The following LOC128092253 variants were observed in gnomAD, a reference collection of about 807,000 sequenced individuals.
chr6:133,978,562 C>T, the LOC128092253 span, among the ~76,000 whole-genome samples: 1 of 152,168 alleles, frequency 6.6e-6, no homozygotes. Context: ...CCTCACTCCT[C>T]ATACGTAAAA....
the LOC128092253 span, among the ~76,000 whole-genome samples, chr6:133,974,004 CAA>C: frequency 4.8e-5 from 6 of 124,564 alleles, no homozygotes; most frequent in Non-Finnish European, 8.3e-5. Context: ...CAGACTTTAC[CAA>C]AAAAAAAAAA....
chr6:133,962,604 T>C, the LOC128092253 span, among the ~76,000 whole-genome samples: 1 of 152,328 alleles, frequency 6.6e-6, no homozygotes, highest in East Asian at 1.9e-4. Context: ...TAGATATGCC[T>C]AATAGATGAT....
At chr6:133,970,728 G>GTA in the LOC128092253 span, among the ~76,000 whole-genome samples, 1 of 151,856 alleles carries the variant, frequency 6.6e-6, no homozygotes, top group South Asian at 2.1e-4. Flanking sequence ...AGCCTCCCAA[G>GTA]TAGCTGGAAC....
the LOC128092253 span, among the ~76,000 whole-genome samples, chr6:133,960,470 T>C: frequency 6.6e-6 from 1 of 151,614 alleles, no homozygotes; most frequent in East Asian, 1.9e-4. Context: ...TCCTTGGCTG[T>C]GGCCAGTAAT....
chr6:133,957,240 A>G, the LOC128092253 span, among the ~76,000 whole-genome samples: 1 of 152,336 alleles, frequency 6.6e-6, no homozygotes, highest in East Asian at 1.9e-4. Flanking sequence ...AATAATGAAA[A>G]TGTTTAAAAT....
At chr6:133,977,675 T>G in the LOC128092253 span, among the ~76,000 whole-genome samples, 22 of 152,360 alleles carry the variant, frequency 1.4e-4, 2 homozygotes, top group African/African-American at 5.3e-4. Context: ...TAGGTTTGGC[T>G]GTATATCACA....
At chr6:133,976,572 A>G in the LOC128092253 span, among the ~76,000 whole-genome samples, 1 of 152,218 alleles carries the variant, frequency 6.6e-6, no homozygotes, top group African/African-American at 2.4e-5. Flanking sequence ...CTGTGTTTTC[A>G]AGAATAACCT....
At chr6:133,957,878 G>A in the LOC128092253 span, among the ~76,000 whole-genome samples, 1 of 152,208 alleles carries the variant, frequency 6.6e-6, no homozygotes, top group South Asian at 2.1e-4. Context: ...TAGTAGCAGT[G>A]GCACTGGATA....
the LOC128092253 span, among the ~76,000 whole-genome samples, chr6:133,963,148 CAA>C: frequency 6.6e-6 from 1 of 152,132 alleles, no homozygotes. Context: ...GTTTGGGAAA[CAA>C]GGGATGGTAA....
At chr6:133,967,552 C>T in the LOC128092253 span, among the ~76,000 whole-genome samples, 18 of 152,114 alleles carry the variant, frequency 1.2e-4, no homozygotes, top group Non-Finnish European at 2.1e-4. Context: ...TAAACCCAGA[C>T]GGTAGAATCT....
the LOC128092253 span, among the ~76,000 whole-genome samples, chr6:133,969,278 A>G: frequency 6.8e-6 from 1 of 146,458 alleles, no homozygotes; most frequent in African/African-American, 2.5e-5. Context: ...TTTTTTTAGT[A>G]AATAGATGCT....
At chr6:133,974,903 A>G in the LOC128092253 span, among the ~76,000 whole-genome samples, 1 of 152,234 alleles carries the variant, frequency 6.6e-6, no homozygotes, top group Non-Finnish European at 1.5e-5. Context: ...GAATTTTAAT[A>G]TCATTAGAAT....
At chr6:133,960,453 A>G in the LOC128092253 span, among the ~76,000 whole-genome samples, 1 of 150,144 alleles carries the variant, frequency 6.7e-6, no homozygotes, top group South Asian at 2.1e-4. Context: ...AAGAAATTCA[A>G]CACTACTCCT....
At chr6:133,962,824 G>T in the LOC128092253 span, among the ~76,000 whole-genome samples, 1 of 152,170 alleles carries the variant, frequency 6.6e-6, no homozygotes. Context: ...ATTTCAGGGG[G>T]TTCCTAACCT....
chr6:133,967,089 G>A, the LOC128092253 span, among the ~76,000 whole-genome samples: 10 of 152,094 alleles, frequency 6.6e-5, 1 homozygote, highest in Admixed American at 3.9e-4. Flanking sequence ...TTTTCTCACC[G>A]TAGCCATGCT....
At chr6:133,954,242 C>T in the LOC128092253 span, among the ~76,000 whole-genome samples, 6 of 152,224 alleles carry the variant, frequency 3.9e-5, no homozygotes, top group Non-Finnish European at 8.8e-5. Flanking sequence ...CAAAGCGACA[C>T]TGGCAGTAAG....
At chr6:133,970,887 G>C in the LOC128092253 span, among the ~76,000 whole-genome samples, 1 of 152,086 alleles carries the variant, frequency 6.6e-6, no homozygotes, top group African/African-American at 2.4e-5. Flanking sequence ...TTGTTGTATA[G>C]TGATCAAATC....
chr6:133,977,828 C>T, the LOC128092253 span, among the ~76,000 whole-genome samples: 4 of 152,162 alleles, frequency 2.6e-5, no homozygotes, highest in South Asian at 2.1e-4. Context: ...TCCTCATTGT[C>T]TCGTGGTGCA....
chr6:133,979,852 G>A, the LOC128092253 span, among the ~76,000 whole-genome samples: 4 of 152,140 alleles, frequency 2.6e-5, no homozygotes, highest in African/African-American at 9.6e-5. Flanking sequence ...TCACTATGTT[G>A]GCCAGTCTGG....
Sources: allele counts gnomAD v4.1 joint callset (sites outside exome capture counted in the v4.1 genomes callset), GRCh38; gene constraint gnomAD v4.1.1; transcripts MANE v1.5.